The following ARHGAP1 variants were observed in gnomAD, a reference collection of about 807,000 sequenced individuals.
The protein encoded by ARHGAP1 is rho GTPase-activating protein 1.
ARHGAP1 carries 23 observed loss-of-function variants against 52.2 expected under a neutral mutation model. The observed-to-expected ratio is 0.44, with a 90% CI of 0.32 to 0.62. ARHGAP1 has a LOEUF of 0.62. Among genes scored for constraint, ARHGAP1 ranks in the 20% least tolerant of loss-of-function variants. The pLI is 0.05. For synonymous variants in ARHGAP1, 210 were observed against 228.4 expected, an observed-to-expected ratio of 0.92 and a Z score of 0.73; for missense variants, 480 against 560.9, an observed-to-expected ratio of 0.86 and a Z score of 1.46.
intron 4 of ARHGAP1, among the ~76,000 whole-genome samples, chr11:46,685,604 C>T (rs1160901837): frequency 1.3e-5 from 2 of 151,148 alleles, no homozygotes. Context: ...AGATTACAGG[C>T]GTGAGCCACC....
chr11:46,680,088 C>T lies in ARHGAP1; in HGVS notation c.898+117G>A. On this transcript the variant is annotated intron_variant, in intron 10 of 12. Coordinates refer to ENST00000311956, the MANE Select transcript of ARHGAP1 (RefSeq NM_004308.5). This position sits in a 1 kb window ranked among gnomAD's most constrained non-coding sequence, Gnocchi z 5.9. ...GTAGGACTTATGTGACACCCAGAGC[C>T]ACGGAAACCTCCAGCAGGAAGAGAC... is the stretch of plus-strand genomic sequence containing the variant. 5 of 1,295,384 alleles carry T rather than the reference C, an allele frequency of 3.9e-6. No individual in the cohort carries two copies. Among genetic ancestry groups the T allele is most frequent in the Non-Finnish European group, 5.5e-6 (5 of 904,796 alleles). 80.2% of individuals were successfully genotyped at this position (1,295,384 alleles called of 1,614,324 possible). A position where few individuals can be genotyped will look rare whatever the true frequency, so the allele number is the denominator to read the frequency against.
chr11:46,683,037 CT>C (rs66603634), intron 4 of ARHGAP1, among the ~76,000 whole-genome samples: 294 of 108,780 alleles, frequency 2.7e-3, no homozygotes, highest in African/African-American at 9.9e-3. Flanking sequence ...CCAAAGCCTG[CT>C]TTTTTTTTTT....
In ARHGAP1 at chr11:46,678,880, G is replaced by A. The variant is rs1361212707; in HGVS notation, c.*157C>T. ...AACGTCTTCTGGTAACAGCGAGGCC[G>A]CCAGGGCCGTGAGGCGGGCTGGACA... is the stretch of plus-strand genomic sequence containing the variant. On this transcript the variant is annotated 3_prime_UTR_variant, in exon 13 of 13. Coordinates refer to ENST00000311956, the MANE Select transcript of ARHGAP1 (RefSeq NM_004308.5). 1.7e-5 allele frequency: 14 copies of A among 831,150 alleles called. 1 individual carries two copies. The highest frequency in any genetic ancestry group is 3.6e-4 in the Middle Eastern group (1 of 2,802). The allele number at this position is 831,150 out of a possible 1,614,324, so 51.5% of individuals were successfully genotyped here. A position where few individuals can be genotyped will look rare whatever the true frequency, so the allele number is the denominator to read the frequency against.
chr11:46,683,290 A>G (rs1279454959), intron 4 of ARHGAP1, among the ~76,000 whole-genome samples: 1 of 151,186 alleles, frequency 6.6e-6, no homozygotes, highest in African/African-American at 2.4e-5. Flanking sequence ...CAATCCTCCC[A>G]CCTCAGCCTC....
chr11:46,689,643 C>T (rs574699888), intron 3 of ARHGAP1, among the ~76,000 whole-genome samples: 143 of 152,182 alleles, frequency 9.4e-4, no homozygotes, highest in African/African-American at 3.3e-3. Context: ...CAGGTTCAAG[C>T]GATTCTCCTG....
intron 4 of ARHGAP1, 113 bp from the exon 5 acceptor site, chr11:46,682,295 C>A (rs778755867): frequency 8.5e-6 from 12 of 1,410,908 alleles, no homozygotes; most frequent in Non-Finnish European, 1.2e-5. Flanking sequence ...CCCACAGGCC[C>A]TCCCCTAGCA....
At chr11:46,695,590 T>TGGTGTGAAGGGCTGAC (rs2064645834) in intron 3 of ARHGAP1, 70 bp downstream of exon 3, 2 of 1,416,480 alleles carry the variant, frequency 1.4e-6, no homozygotes, top group Non-Finnish European at 2.0e-6. Flanking sequence ...CCTTCCCCTG[T>TGGTGTGAAGGGCTGAC]GGTGTGAAGG....
chr11:46,697,295 G>C (rs1307213609), intron 1 of ARHGAP1: 2 of 152,254 alleles, frequency 1.3e-5, no homozygotes, highest in Admixed American at 1.3e-4. Context: ...TCCCCCTCCT[G>C]CCACAAGCTC....
rs548526134 is a variant in ARHGAP1, at chr11:46,690,122, G to A, written c.230-1862C>T. ...CCAGGCACAGTGGCTCACGCCTGTA[G>A]TCCCAACACTTTGGGAGGCCGAGGT... On this transcript the variant is annotated intron_variant, in intron 3 of 12. Transcript: ENST00000311956. 1.5e-4 allele frequency among the ~76,000 whole-genome samples: 22 copies of A among 150,556 alleles called. No homozygotes were observed. The South Asian group carries it at 4.6e-3, about 32-fold the overall frequency.
rs751326537 is a variant in ARHGAP1 at position 46,680,208 on chromosome 11, T to C, written c.895A>G (p.Met299Val). 13 of 1,613,900 alleles carry C rather than the reference T, an allele frequency of 8.1e-6. No homozygotes were observed. The East Asian group carries it at 2.7e-4, about 33-fold the overall frequency. Residue 299 changes from methionine to valine, a missense_variant, in exon 10 of 13, where the codon ATG (methionine) becomes GTG (valine). Physicochemically the swap from Met to Val is conservative, Grantham distance 21. Transcript: ENST00000311956. The surrounding 1 kb of genome is among the most constrained non-coding windows in gnomAD (Gnocchi z 5.9). ...VVREVQQKYNMGLPVDFDQYN... is the reference protein window; with the variant it reads ...VVREVQQKYNVGLPVDFDQYN... ...GCAACAGCCCAGGGCTGCTCACCCA[T>C]GTTGTACTTCTGCTGCACTTCCCGG...
intron 4 of ARHGAP1, among the ~76,000 whole-genome samples, chr11:46,685,138 A>G (rs1430265282): frequency 6.6e-6 from 1 of 151,392 alleles, no homozygotes; most frequent in Non-Finnish European, 1.5e-5. Context: ...TTCCATATAC[A>G]TTACAGAAAA....
chr11:46,682,599 G>A (rs1280233774), intron 4 of ARHGAP1, among the ~76,000 whole-genome samples: 4 of 152,168 alleles, frequency 2.6e-5, no homozygotes, highest in South Asian at 2.1e-4. Context: ...CAGGAGAATC[G>A]CTTGAACCCA....
chr11:46,688,308 A>T lies in ARHGAP1; in HGVS notation c.230-48T>A, dbSNP rs756711994. On this transcript the variant is annotated intron_variant, in intron 3 of 12. Transcript: ENST00000311956. ...CACAGTGGGTTGAAGGGGAACCAAA[A>T]GAAGTGGGGTGAGGAACTTAAAGGG... The T allele has an allele frequency of 5.1e-6, 8 of 1,560,574 alleles. No individual in the cohort carries two copies. In the South Asian group the frequency reaches 9.1e-5, roughly 18 times the overall value.
rs951755056 is a variant in ARHGAP1 at position 46,679,309 on chromosome 11, G to A, written c.1131+56C>T. The A allele has an allele frequency of 3.1e-6, 5 of 1,604,430 alleles. No individual in the cohort carries two copies. In the African/African-American group the frequency reaches 6.7e-5, roughly 21 times the overall value. On this transcript the variant is annotated intron_variant, in intron 12 of 12. Transcript: ENST00000311956. The surrounding 1 kb of genome is among the most constrained non-coding windows in gnomAD (Gnocchi z 4.4). ...CAACAATGACCAGGGCGCAGAGGAG[G>A]CGGCAGCTCCTCCTTCCCCCTCCCT...
rs150902556 is a variant in ARHGAP1, at chr11:46,693,252, T to C, written c.229+2408A>G. Reference sequence around the variant, plus strand: ...ACCTCGTGATCCACCAGCCTTGGCTTCCCAAAGTGCTGGGATTACTAGGTG... The same window carrying C: ...ACCTCGTGATCCACCAGCCTTGGCTCCCCAAAGTGCTGGGATTACTAGGTG... On this transcript the variant is annotated intron_variant, in intron 3 of 12. Coordinates refer to ENST00000311956, the MANE Select transcript of ARHGAP1 (RefSeq NM_004308.5). Among the ~76,000 whole-genome samples, 241 of 150,432 alleles carry C rather than the reference T, an allele frequency of 1.6e-3. 1 individual carries two copies. Among genetic ancestry groups the C allele is most frequent in the African/African-American group, 5.5e-3 (225 of 40,986 alleles).
rs1169436764 is a variant in ARHGAP1 at position 46,680,825 on chromosome 11, C to T, written c.636-78G>A. Reference sequence around the variant, plus strand: ...TGCCAATTCAATCAAGCATTGACCACGCGGGGTCAGGAGGATCATCTCATG... The same window carrying T: ...TGCCAATTCAATCAAGCATTGACCATGCGGGGTCAGGAGGATCATCTCATG... On this transcript the variant is annotated intron_variant, in intron 7 of 12. Coordinates refer to ENST00000311956, the MANE Select transcript of ARHGAP1 (RefSeq NM_004308.5). The surrounding 1 kb of genome is among the most constrained non-coding windows in gnomAD (Gnocchi z 5.9). 72 of 1,197,568 alleles carry T rather than the reference C, an allele frequency of 6.0e-5. No homozygotes were observed. The highest frequency in any genetic ancestry group is 6.1e-5 in the Non-Finnish European group (52 of 855,788). The allele number at this position is 1,197,568 out of a possible 1,614,324, so 74.2% of individuals were successfully genotyped here.
Position 46,679,428 on chromosome 11 carries a change from G to T in ARHGAP1, c.1068C>A (p.Val356=). 6.2e-7 allele frequency: 1 copy of T among 1,614,198 alleles called. No individual in the cohort carries two copies. Among genetic ancestry groups the T allele is most frequent in the Non-Finnish European group, 8.5e-7 (1 of 1,180,034 alleles). Residue 356 remains valine (V), a synonymous_variant, in exon 12 of 13, where the codon GTC becomes GTA. Coordinates refer to ENST00000311956, the MANE Select transcript of ARHGAP1 (RefSeq NM_004308.5). This position sits in a 1 kb window ranked among gnomAD's most constrained non-coding sequence, Gnocchi z 4.4. ...ESQRVPATLQ[V]LQTLPEENYQ... ...AGTTCTCCTCGGGCAGCGTCTGGAGGACCTGCAGTGTCGCTGGCACCCTCT... is the reference window on the plus strand; with the variant it reads ...AGTTCTCCTCGGGCAGCGTCTGGAGTACCTGCAGTGTCGCTGGCACCCTCT...
chr11:46,695,540 G>T, intron 3 of ARHGAP1, 120 bp downstream of exon 3: 1 of 1,098,968 alleles, frequency 9.1e-7, no homozygotes, highest in Non-Finnish European at 1.4e-6. Flanking sequence ...CTCCCCACAT[G>T]CCAGGAGCAC....
At position 46,677,944 on chromosome 11, in the gene ARHGAP1, G is replaced by GAAAAAAA; in HGVS notation, c.*1086_*1092dup. The GAAAAAAA allele has an allele frequency of 2.7e-6, 1 of 366,024 alleles. No individual in the cohort carries two copies. Among genetic ancestry groups the GAAAAAAA allele is most frequent in the South Asian group, 1.9e-5 (1 of 53,946 alleles). The allele number at this position is 366,024 out of a possible 1,614,324, so 22.7% of individuals were successfully genotyped here. A position where few individuals can be genotyped will look rare whatever the true frequency, so the allele number is the denominator to read the frequency against. On this transcript the variant is annotated 3_prime_UTR_variant, in exon 13 of 13. Transcript: ENST00000311956. ...GGTGACAGAGCGAGACTCCATCTCAGAAAAAAAAAAAAAAAGGTGGCCCTA... is the reference window on the plus strand; with the variant it reads ...GGTGACAGAGCGAGACTCCATCTCAGAAAAAAAAAAAAAAAAAAAAAAGGTGGCCCTA...
Sources: gnomAD v4.1 joint callset for allele counts (sites outside exome capture counted in the v4.1 genomes callset) on GRCh38, gnomAD v4.1.1 for gene constraint, Gnocchi (gnomAD v3.1) non-coding constraint, MANE v1.5 for transcripts, NCBI Gene and HGNC (gene_info 2026-07-23, HGNC 2026-07-21) for gene names.